Variants in PLEKHH1 observed in about 807,000 individuals in gnomAD.
PLEKHH1 encodes pleckstrin homology, MyTH4 and FERM domain containing H1.
PLEKHH1 carries 104 observed loss-of-function variants against 160.0 expected under a neutral mutation model. The observed-to-expected ratio is 0.65, with a 90% confidence interval of 0.55 to 0.76. PLEKHH1 has a LOEUF of 0.76. PLEKHH1 is among the 30% of genes least tolerant of loss of function. The pLI, the probability that PLEKHH1 is intolerant of heterozygous loss-of-function variation, is 0.00. For missense variants in PLEKHH1, 1,427 were observed against 1,724.1 expected, an observed-to-expected ratio of 0.83 and a Z score of 3.05; for synonymous variants, 619 against 678.4, an observed-to-expected ratio of 0.91 and a Z score of 1.36.
At chr14:67,559,553 C>G in intron 4 of PLEKHH1, 55 bp from the exon 5 acceptor site, 1 of 1,263,128 alleles carries the variant, frequency 7.9e-7, no homozygotes, top group Non-Finnish European at 1.1e-6. Flanking sequence ...CACCTCCAGT[C>G]AGTCACTCTC....
At position 67,578,349 on chromosome 14, in the gene PLEKHH1, G is replaced by A. The variant is rs2035725752; in HGVS notation, c.2751+150G>A. ...CAAGCTGCATCAGTACGGCTGAGCT[G>A]TCTATGCACAGATGGGTGATTGCAT... On this transcript the variant is annotated intron_variant, in intron 19 of 28. Transcript: ENST00000329153. The surrounding 1 kb of genome is among the most constrained non-coding windows in gnomAD (Gnocchi z 5.0). The A allele has an allele frequency of 2.5e-6, 2 of 793,788 alleles. No individual in the cohort carries two copies. Among genetic ancestry groups the A allele is most frequent in the Non-Finnish European group, 4.1e-6 (2 of 482,322 alleles). The allele number at this position is 793,788 out of a possible 1,614,324, so 49.2% of individuals were successfully genotyped here.
At position 67,569,992 on chromosome 14, in the gene PLEKHH1, G is replaced by A. The variant is rs746376967; in HGVS notation, c.1414G>A (p.Val472Ile). The A allele has an allele frequency of 4.4e-6, 7 of 1,603,392 alleles. No homozygotes were observed. The highest frequency in any genetic ancestry group is 1.7e-5 in the Admixed American group (1 of 59,124). The change falls in exon 9 of 29, where the codon GTC (valine) becomes ATC (isoleucine). Residue 472 changes from valine (V) to isoleucine (I), a missense_variant. Coordinates refer to ENST00000329153, the MANE Select transcript of PLEKHH1 (RefSeq NM_020715.3). ...GGTCTACAAGAATGTCACTGTGCCT[G>A]TCTACACAGCACTGAAGGGGGTAAG... ...GLVYKNVTVPVYTALKGRATQ... is the reference protein window; with the variant it reads ...GLVYKNVTVPIYTALKGRATQ...
At position 67,553,662 on chromosome 14, in the gene PLEKHH1, C is replaced by T. The variant is rs79276236; in HGVS notation, c.127-2163C>T. 8.1e-4 allele frequency among the ~76,000 whole-genome samples: 123 copies of T among 152,332 alleles called. 2 individuals carry two copies. Among genetic ancestry groups the T allele is most frequent in the African/African-American group, 2.8e-3 (118 of 41,572 alleles). ...CCACTATGTATCAACCAACCCCCCA[C>T]CACCAAGGAGAATTCCTTTTGCACT... On this transcript the variant is annotated intron_variant, in intron 2 of 28. Transcript: ENST00000329153.
At chr14:67,579,667 A>G in intron 21 of PLEKHH1, 54 bp from the exon 22 acceptor site, 1 of 1,563,658 alleles carries the variant, frequency 6.4e-7, no homozygotes, top group Non-Finnish European at 8.7e-7. Context: ...CACCAGCCCT[A>G]GTGAGCTCCT....
intron 11 of PLEKHH1, among the ~76,000 whole-genome samples, chr14:67,572,609 T>C (rs527606374): frequency 1.9e-3 from 256 of 132,898 alleles, no homozygotes; most frequent in African/African-American, 6.1e-3. Context: ...TAACATTTAT[T>C]GAACTCTTGG....
chr14:67,586,838 C>CT, intron 28 of PLEKHH1: 2 of 1,488,904 alleles, frequency 1.3e-6, no homozygotes, highest in Non-Finnish European at 1.8e-6. Context: ...ACTGGGCCTC[C>CT]TTTTCTCAGA....
At chr14:67,586,230 T>G in intron 28 of PLEKHH1, 133 bp downstream of exon 28, 1 of 1,180,790 alleles carries the variant, frequency 8.5e-7, no homozygotes. Flanking sequence ...TTGTCTGTAA[T>G]TAGTATTCCA....
rs776438745 is a variant in PLEKHH1 at position 67,555,909 on chromosome 14, C to T, written c.189+22C>T. The stretch of plus-strand genomic sequence containing the variant: ...CCAGGTAACCAGGGGAGGGGATCGG[C>T]GGGAATATGCAGGGGAATGACCGTC... On this transcript the variant is annotated intron_variant, in intron 3 of 28. Transcript: ENST00000329153. 16 of 1,611,096 alleles carry T rather than the reference C, an allele frequency of 9.9e-6. 1 individual carries two copies. The Middle Eastern group carries it at 6.7e-4, about 68-fold the overall frequency.
At chr14:67,537,848 G>T (rs760490606) in intron 1 of PLEKHH1, among the ~76,000 whole-genome samples, 7 of 152,108 alleles carry the variant, frequency 4.6e-5, no homozygotes, top group African/African-American at 1.4e-4. Flanking sequence ...TGCCTCTGGG[G>T]CATATCCCCA....
At chr14:67,543,515 C>T (rs1223859122) in intron 2 of PLEKHH1, among the ~76,000 whole-genome samples, 1 of 152,226 alleles carries the variant, frequency 6.6e-6, no homozygotes, top group African/African-American at 2.4e-5. Flanking sequence ...ACGTAGAGTG[C>T]TTGTTAAGCA....
At chr14:67,541,798 A>T (rs1026288203) in intron 1 of PLEKHH1, 36 bp from the exon 2 acceptor site, 2 of 1,403,946 alleles carry the variant, frequency 1.4e-6, no homozygotes, top group Non-Finnish European at 1.9e-6. Flanking sequence ...TCACACGCTT[A>T]TTTATCTTTT....
chr14:67,570,524 C>T (rs2035322225), intron 9 of PLEKHH1: 1 of 156,590 alleles, frequency 6.4e-6, no homozygotes, highest in Non-Finnish European at 1.4e-5. Flanking sequence ...TCGCTTTTCC[C>T]TAATTCCTAA....
rs2035552767 is a variant in PLEKHH1, at chr14:67,574,898, G to T, written c.2089-494G>T. ...GTACATTAGCTAGACCAGAACACCA[G>T]CAGGAACCAAAGCGACTTGCACTCA... On this transcript the variant is annotated intron_variant, in intron 14 of 28. Coordinates refer to ENST00000329153, the MANE Select transcript of PLEKHH1 (RefSeq NM_020715.3). The surrounding 1 kb of genome is among the most constrained non-coding windows in gnomAD (Gnocchi z 4.2). 6.6e-6 allele frequency among the ~76,000 whole-genome samples: 1 copy of T among 152,214 alleles called. No homozygotes were observed. The highest frequency in any genetic ancestry group is 2.4e-5 in the African/African-American group (1 of 41,452).
chr14:67,559,918 A>C (rs2140408648), intron 5 of PLEKHH1, among the ~76,000 whole-genome samples: 1 of 152,236 alleles, frequency 6.6e-6, no homozygotes, highest in East Asian at 1.9e-4. Flanking sequence ...TGCTGGATTT[A>C]AGTTTGCGAG....
chr14:67,573,243 C>T lies in PLEKHH1; in HGVS notation c.1729-33C>T. 1.5e-6 allele frequency: 2 copies of T among 1,370,718 alleles called. No individual in the cohort carries two copies. The highest frequency in any genetic ancestry group is 1.0e-6 in the Non-Finnish European group (1 of 962,308). The allele number at this position is 1,370,718 out of a possible 1,614,324, so 84.9% of individuals were successfully genotyped here. A position where few individuals can be genotyped will look rare whatever the true frequency, so the allele number is the denominator to read the frequency against. On this transcript the variant is annotated intron_variant, in intron 11 of 28. Transcript: ENST00000329153. This position sits in a 1 kb window ranked among gnomAD's most constrained non-coding sequence, Gnocchi z 4.8. ...ATGTCTAGGAGCCCTGAGTGATTTCCCCTTTCTTCATCTACACCCTTCCAC... is the reference window on the plus strand; with the variant it reads ...ATGTCTAGGAGCCCTGAGTGATTTCTCCTTTCTTCATCTACACCCTTCCAC...
At chr14:67,548,439 T>C (rs1055130483) in intron 2 of PLEKHH1, among the ~76,000 whole-genome samples, 2 of 152,256 alleles carry the variant, frequency 1.3e-5, no homozygotes, top group Non-Finnish European at 2.9e-5. Flanking sequence ...GGCTTACACC[T>C]GTAATCCCAG....
intron 26 of PLEKHH1, 145 bp downstream of exon 26, chr14:67,584,269 C>A: frequency 2.7e-6 from 2 of 750,402 alleles, no homozygotes; most frequent in Non-Finnish European, 4.3e-6. Context: ...CCTAGTCCAG[C>A]TTTCCACAGT....
chr14:67,586,855 C>T lies in PLEKHH1; in HGVS notation c.3934-219C>T, dbSNP rs182707208. On this transcript the variant is annotated intron_variant, in intron 28 of 28. Coordinates refer to ENST00000329153, the MANE Select transcript of PLEKHH1 (RefSeq NM_020715.3). The stretch of plus-strand genomic sequence containing the variant: ...TGGGCCTCCTTTTCTCAGAAGGGCA[C>T]TGTGCATCTGAGAGGATCTCCAGAC... The T allele has an allele frequency of 1.4e-4, 217 of 1,506,444 alleles. 1 individual carries two copies. In the African/African-American group the frequency reaches 2.8e-3, roughly 19 times the overall value. 93.3% of individuals were successfully genotyped at this position (1,506,444 alleles called of 1,614,324 possible).
Position 67,587,601 on chromosome 14 carries a change from G to C in PLEKHH1, c.*366G>C. ...AAGGAAGCTAATTTTCTTTCTGGGG[G>C]GGGCGGGGGACACAGTGTCACTATG... is the stretch of plus-strand genomic sequence containing the variant. On this transcript the variant is annotated 3_prime_UTR_variant, in exon 29 of 29. Coordinates refer to ENST00000329153, the MANE Select transcript of PLEKHH1 (RefSeq NM_020715.3). The C allele has an allele frequency of 3.4e-6, 1 of 290,824 alleles. No individual in the cohort carries two copies. The highest frequency in any genetic ancestry group is 6.6e-6 in the Non-Finnish European group (1 of 150,614). The allele number at this position is 290,824 out of a possible 1,614,324, so 18.0% of individuals were successfully genotyped here.
Sources: allele counts gnomAD v4.1 joint callset (sites outside exome capture counted in the v4.1 genomes callset), GRCh38; gene constraint gnomAD v4.1.1; non-coding constraint Gnocchi (gnomAD v3.1); transcripts MANE v1.5; gene names NCBI Gene and HGNC (gene_info 2026-07-23, HGNC 2026-07-21).